The following EFCAB11 variants were observed in gnomAD, a reference collection of about 807,000 sequenced individuals.
The protein encoded by EFCAB11 is EF-hand calcium binding domain 11.
EFCAB11 carries 14 observed loss-of-function variants against 23.0 expected under a neutral mutation model. That is an observed-to-expected ratio of 0.61 (90% confidence interval 0.40 to 0.95). The LOEUF (loss-of-function observed/expected upper bound fraction) is 0.95. Ranked by LOEUF, EFCAB11 falls within the 40% of genes least tolerant of loss-of-function variation. The pLI, the probability that EFCAB11 is intolerant of heterozygous loss-of-function variation, is 0.00. For synonymous variants in EFCAB11, 65 were observed against 66.6 expected (o/e 0.98, Z 0.11); for missense variants, 198 against 195.8 (o/e 1.01, Z -0.07).
In EFCAB11 at chr14:89,835,584, ACGTGTGTGTG is replaced by A. The variant is rs1415817903; in HGVS notation, c.411-38270_411-38261del. Among the ~76,000 whole-genome samples, 3 of 73,476 alleles carry A rather than the reference ACGTGTGTGTG, an allele frequency of 4.1e-5. No individual in the cohort carries two copies. The East Asian group carries it at 1.4e-3, about 34-fold the overall frequency. 48.2% of individuals were successfully genotyped at this position (73,476 alleles called of 152,430 possible). The stretch of plus-strand genomic sequence containing the variant: ...TTGGATTTCAGATTAGGGATGCTCA[ACGTGTGTGTG>A]TGTGTGTGTGTGTGTGTGTGTGTGT... On this transcript the variant is annotated intron_variant, in intron 5 of 5. Coordinates refer to ENST00000316738, the MANE Select transcript of EFCAB11 (RefSeq NM_145231.4).
intron 5 of EFCAB11, among the ~76,000 whole-genome samples, chr14:89,893,777 C>CA (rs542091673): frequency 0.03 from 3,067 of 101,876 alleles, 49 homozygotes; most frequent in African/African-American, 0.043. Context: ...CACTCGTCTC[C>CA]AAAAAAAAAA....
intron 5 of EFCAB11, among the ~76,000 whole-genome samples, chr14:89,902,679 GATTAGAT>G (rs1262868140): frequency 6.6e-6 from 1 of 152,148 alleles, no homozygotes; most frequent in Non-Finnish European, 1.5e-5. Context: ...TAACACTTAA[GATTAGAT>G]ATTAGAGAGA....
intron 5 of EFCAB11, among the ~76,000 whole-genome samples, chr14:89,841,436 C>G (rs1042450276): frequency 1.3e-5 from 2 of 151,448 alleles, no homozygotes; most frequent in Admixed American, 6.6e-5. Context: ...CTCAACTACT[C>G]TCTTCTTCCC....
chr14:89,952,435 C>T, intron 2 of EFCAB11: 2 of 985,428 alleles, frequency 2.0e-6, no homozygotes, highest in Non-Finnish European at 1.2e-6. Context: ...CAGGCTGACT[C>T]TTTTCAGCTG....
In EFCAB11 at chr14:89,932,631, A is replaced by T; in HGVS notation, c.218-4T>A. 1.2e-6 allele frequency: 2 copies of T among 1,606,970 alleles called. No homozygotes were observed. Among genetic ancestry groups the T allele is most frequent in the Non-Finnish European group, 1.7e-6 (2 of 1,174,576 alleles). The stretch of plus-strand genomic sequence containing the variant: ...AAAAACCCCTCGAGTAATATACCTA[A>T]AAGTTGGGGAAAAAACAATTTGTCA... On this transcript the variant is annotated splice_polypyrimidine_tract_variant and splice_region_variant and intron_variant, in intron 3 of 5. Transcript: ENST00000316738.
intron 5 of EFCAB11, chr14:89,924,188 T>G (rs1890114934): frequency 1.0e-6 from 1 of 985,764 alleles, no homozygotes; most frequent in Admixed American, 6.1e-5. Context: ...TTCACCCAAT[T>G]TCTAATATTC....
chr14:89,847,614 C>T (rs189586593), intron 5 of EFCAB11, among the ~76,000 whole-genome samples: 8 of 152,114 alleles, frequency 5.3e-5, no homozygotes, highest in African/African-American at 1.9e-4. Context: ...TGGCACATGC[C>T]TGTAATTCCA....
At chr14:89,924,308 A>T (rs898669173) in intron 5 of EFCAB11, 6 of 1,058,070 alleles carry the variant, frequency 5.7e-6, no homozygotes, top group Non-Finnish European at 6.8e-6. Context: ...GTCTCCAGTC[A>T]TGATGGGAGC....
intron 5 of EFCAB11, among the ~76,000 whole-genome samples, chr14:89,927,572 C>T (rs1890233997): frequency 6.6e-6 from 1 of 152,200 alleles, no homozygotes; most frequent in Admixed American, 6.5e-5. Flanking sequence ...CTAATAGCCT[C>T]AGCAGCTGAT....
intron 3 of EFCAB11, among the ~76,000 whole-genome samples, chr14:89,944,197 G>A (rs1890887968): frequency 6.6e-6 from 1 of 152,222 alleles, no homozygotes; most frequent in African/African-American, 2.4e-5. Flanking sequence ...CACGATCATA[G>A]CGGAAGGCAA....
At chr14:89,929,400 T>C (rs1890312488) in intron 5 of EFCAB11, among the ~76,000 whole-genome samples, 1 of 152,090 alleles carries the variant, frequency 6.6e-6, no homozygotes, top group South Asian at 2.1e-4. Flanking sequence ...ACTTTACAGA[T>C]TTTTGAGACA....
intron 5 of EFCAB11, among the ~76,000 whole-genome samples, chr14:89,876,535 C>A (rs186034004): frequency 9.2e-5 from 14 of 152,164 alleles, no homozygotes; most frequent in African/African-American, 3.4e-4. Flanking sequence ...TTCAGATAGT[C>A]CATTTGTAGA....
intron 5 of EFCAB11, among the ~76,000 whole-genome samples, chr14:89,893,256 C>T (rs1889039264): frequency 6.6e-6 from 1 of 152,160 alleles, no homozygotes. Context: ...TCCTTATGTC[C>T]TCAGGCTAAA....
At chr14:89,853,314 C>A (rs924069958) in intron 5 of EFCAB11, among the ~76,000 whole-genome samples, 1 of 152,156 alleles carries the variant, frequency 6.6e-6, no homozygotes, top group Non-Finnish European at 1.5e-5. Context: ...TGGAAGCTTC[C>A]TTTAATCTGA....
At chr14:89,938,083 A>G (rs1386896982) in intron 3 of EFCAB11, 1 of 152,242 alleles carries the variant, frequency 6.6e-6, no homozygotes, top group African/African-American at 2.4e-5. Flanking sequence ...CTTCAGGGTC[A>G]GTGCACACAG....
At chr14:89,922,370 G>T (rs535821839) in intron 5 of EFCAB11, among the ~76,000 whole-genome samples, 1 of 152,188 alleles carries the variant, frequency 6.6e-6, no homozygotes, top group Non-Finnish European at 1.5e-5. Context: ...TAAAGGAGAC[G>T]GCCATGCCAT....
rs1249768375 is a variant in EFCAB11 at position 89,797,207 on chromosome 14, G to A, written c.*36C>T. On this transcript the variant is annotated 3_prime_UTR_variant, in exon 6 of 6. Transcript: ENST00000316738. Reference sequence around the variant, plus strand: ...GAGTCTGCTGACATTACAATCTATTGATCTCCCCAGAGTTACCAAAAGTAG... The same window carrying A: ...GAGTCTGCTGACATTACAATCTATTAATCTCCCCAGAGTTACCAAAAGTAG... 2.6e-6 allele frequency: 4 copies of A among 1,546,550 alleles called. No homozygotes were observed. In the African/African-American group the frequency reaches 4.1e-5, roughly 16 times the overall value.
At chr14:89,801,723 A>G (rs8009621) in intron 5 of EFCAB11, among the ~76,000 whole-genome samples, 85,406 of 152,056 alleles carry the variant, frequency 0.56, 24,248 homozygotes, top group Middle Eastern at 0.63. Context: ...GGCCAGGCGC[A>G]GTGGTGCACA....
chr14:89,926,583 T>C (rs1299346559), intron 5 of EFCAB11, among the ~76,000 whole-genome samples: 2 of 152,012 alleles, frequency 1.3e-5, no homozygotes, highest in Non-Finnish European at 1.5e-5. Context: ...AGAATAGATA[T>C]TGTTGAAAAT....
Sources: allele counts gnomAD v4.1 joint callset (sites outside exome capture counted in the v4.1 genomes callset), GRCh38; gene constraint gnomAD v4.1.1; transcripts MANE v1.5; gene names NCBI Gene and HGNC (gene_info 2026-07-23, HGNC 2026-07-21).